Variants in GALNT13 observed in about 807,000 individuals in gnomAD.
The protein encoded by GALNT13 is polypeptide N-acetylgalactosaminyltransferase 13.
In GALNT13, 28 loss-of-function variants were observed where a neutral mutation model predicts 64.2. The observed-to-expected ratio is 0.44, with a 90% CI of 0.32 to 0.60. The LOEUF (loss-of-function observed/expected upper bound fraction) is 0.60, where lower values mean the gene tolerates loss of function less well. Ranked by LOEUF, GALNT13 falls within the 20% of genes least tolerant of loss-of-function variation. The probability of loss-of-function intolerance (pLI) is 0.05; values close to 1 mark genes in which losing one functional copy is unlikely to be tolerated. For synonymous variants in GALNT13, 214 were observed against 224.6 expected, an observed-to-expected ratio of 0.95 and a Z score of 0.42; for missense variants, 577 against 669.8, an observed-to-expected ratio of 0.86 and a Z score of 1.53.
chr2:153,452,903 A>G, the GALNT13 span, among the ~76,000 whole-genome samples: 3 of 152,354 alleles, frequency 2.0e-5, no homozygotes, highest in South Asian at 2.1e-4. Flanking sequence ...TCAAAATAGC[A>G]TGGTACTGGC....
the GALNT13 span, among the ~76,000 whole-genome samples, chr2:153,534,526 C>T: frequency 0.58 from 79,393 of 137,660 alleles, 25,314 homozygotes; most frequent in African/African-American, 0.85. Context: ...TTCTTTCTTT[C>T]TTTTTTTTTT....
At chr2:153,788,811 A>G in the GALNT13 span, among the ~76,000 whole-genome samples, 1 of 152,180 alleles carries the variant, frequency 6.6e-6, no homozygotes, top group Non-Finnish European at 1.5e-5. Context: ...CTAACTTCAG[A>G]CAAAACAGAC....
At chr2:153,827,625 CA>C in the GALNT13 span, among the ~76,000 whole-genome samples, 56,776 of 90,424 alleles carry the variant, frequency 0.63, 14,378 homozygotes, top group Middle Eastern at 0.76. Context: ...GACTCCGTCC[CA>C]AAAAAAAAAA....
intron 9 of GALNT13, among the ~76,000 whole-genome samples, chr2:154,318,146 C>G (rs1355860583): frequency 6.6e-6 from 1 of 151,944 alleles, no homozygotes; most frequent in Non-Finnish European, 1.5e-5. Context: ...TGTATTTGCT[C>G]TCATTTTCTT....
intron 8 of GALNT13, among the ~76,000 whole-genome samples, chr2:154,287,705 G>C: frequency 6.6e-6 from 1 of 151,958 alleles, no homozygotes; most frequent in Non-Finnish European, 1.5e-5. Context: ...CCACACCTCA[G>C]TGAGCATCTT....
the GALNT13 span, among the ~76,000 whole-genome samples, chr2:153,155,763 T>A: frequency 6.6e-6 from 1 of 152,154 alleles, no homozygotes; most frequent in Non-Finnish European, 1.5e-5. Flanking sequence ...TCTGCTAGCT[T>A]TGGGATTTGT....
the GALNT13 span, among the ~76,000 whole-genome samples, chr2:153,088,145 G>A: frequency 6.6e-6 from 1 of 151,910 alleles, no homozygotes; most frequent in Admixed American, 6.6e-5. Context: ...GTATCCCAGA[G>A]GTTTTGATAA....
At chr2:153,124,515 T>G in the GALNT13 span, among the ~76,000 whole-genome samples, 2 of 152,156 alleles carry the variant, frequency 1.3e-5, no homozygotes, top group Admixed American at 1.3e-4. Context: ...TTTGTTTGTT[T>G]GTTTGTTTGG....
At chr2:153,814,309 G>A in the GALNT13 span, among the ~76,000 whole-genome samples, 27 of 152,010 alleles carry the variant, frequency 1.8e-4, no homozygotes, top group African/African-American at 5.8e-4. Context: ...GCGCGGTGGC[G>A]GGCGCCTGTA....
At chr2:154,081,103 A>G (rs994303312) in intron 3 of GALNT13, among the ~76,000 whole-genome samples, 1 of 151,484 alleles carries the variant, frequency 6.6e-6, no homozygotes, top group Non-Finnish European at 1.5e-5. Flanking sequence ...TTTCCTTAGA[A>G]GTCCTGTAAT....
the GALNT13 span, among the ~76,000 whole-genome samples, chr2:153,449,445 C>A: frequency 3.3e-5 from 5 of 152,048 alleles, no homozygotes; most frequent in African/African-American, 1.2e-4. Flanking sequence ...GATGTTTTTT[C>A]CCCCATGCCT....
At chr2:153,605,098 G>C in the GALNT13 span, among the ~76,000 whole-genome samples, 1 of 152,016 alleles carries the variant, frequency 6.6e-6, no homozygotes, top group African/African-American at 2.4e-5. Flanking sequence ...ATCCAACCTG[G>C]TTGTTTTAAA....
chr2:153,672,002 C>T, the GALNT13 span, among the ~76,000 whole-genome samples: 7 of 152,148 alleles, frequency 4.6e-5, no homozygotes, highest in Non-Finnish European at 8.8e-5. Flanking sequence ...AAAGAGTTAA[C>T]TATCCTAAAT....
At chr2:153,228,980 C>CA in the GALNT13 span, among the ~76,000 whole-genome samples, 1 of 150,936 alleles carries the variant, frequency 6.6e-6, no homozygotes, top group Non-Finnish European at 1.5e-5. Context: ...TGTTTTTTAC[C>CA]AAAAAACAAG....
intron 3 of GALNT13, among the ~76,000 whole-genome samples, chr2:154,082,466 G>C (rs1701318309): frequency 6.6e-6 from 1 of 151,608 alleles, no homozygotes; most frequent in African/African-American, 2.4e-5. Flanking sequence ...TGAGTTAGCT[G>C]GAATGCTTGT....
chr2:153,905,656 A>G (rs952921322), intron 2 of GALNT13, among the ~76,000 whole-genome samples: 1 of 152,128 alleles, frequency 6.6e-6, no homozygotes, highest in East Asian at 1.9e-4. Context: ...CAAAACTAAC[A>G]TAAATCTCTT....
chr2:153,809,338 A>C, the GALNT13 span, among the ~76,000 whole-genome samples: 1 of 152,198 alleles, frequency 6.6e-6, no homozygotes, highest in Non-Finnish European at 1.5e-5. Context: ...AAAAACAGAG[A>C]TGTGTGGTTT....
chr2:153,500,472 C>T, the GALNT13 span, among the ~76,000 whole-genome samples: 1 of 152,108 alleles, frequency 6.6e-6, no homozygotes, highest in Non-Finnish European at 1.5e-5. Flanking sequence ...AAGAAACCTG[C>T]GGGTTATGAG....
At chr2:154,378,475 G>T (rs1347212078) in intron 9 of GALNT13, among the ~76,000 whole-genome samples, 2 of 152,126 alleles carry the variant, frequency 1.3e-5, no homozygotes, top group Non-Finnish European at 2.9e-5. Context: ...CTTCTCTGTT[G>T]TAGGCAACTA....
Sources: gnomAD v4.1 joint callset for allele counts (sites outside exome capture counted in the v4.1 genomes callset) on GRCh38, gnomAD v4.1.1 for gene constraint, MANE v1.5 for transcripts, NCBI Gene and HGNC (gene_info 2026-07-23, HGNC 2026-07-21) for gene names.